Variants in MYRIP observed in about 807,000 individuals in gnomAD.
MYRIP encodes the protein rab effector MyRIP.
In MYRIP, 49 loss-of-function variants were observed where a neutral mutation model predicts 98.0. The observed-to-expected ratio is 0.50, with a 90% CI of 0.40 to 0.63. The LOEUF (loss-of-function observed/expected upper bound fraction) is 0.63, where lower values mean the gene tolerates loss of function less well. MYRIP is among the 30% of genes least tolerant of loss of function. MYRIP has a pLI of 0.00. For missense variants in MYRIP, 1,004 were observed against 1,058.2 expected (o/e 0.95, Z 0.71); for synonymous variants, 404 against 409.5 (o/e 0.99, Z 0.16).
At chr3:39,826,224 T>C (rs1941262610) in intron 1 of MYRIP, among the ~76,000 whole-genome samples, 3 of 152,100 alleles carry the variant, frequency 2.0e-5, no homozygotes, top group Non-Finnish European at 4.4e-5. Context: ...GGTATGTTTT[T>C]GCTCTTCTAT....
intron 2 of MYRIP, among the ~76,000 whole-genome samples, chr3:40,038,464 A>G (rs1409381965): frequency 6.6e-6 from 1 of 152,098 alleles, no homozygotes; most frequent in Non-Finnish European, 1.5e-5. Flanking sequence ...ACCTAACTAA[A>G]AGCTAGTTAT....
intron 11 of MYRIP, among the ~76,000 whole-genome samples, chr3:40,219,193 A>G (rs1008235821): frequency 6.6e-6 from 1 of 152,204 alleles, no homozygotes; most frequent in Non-Finnish European, 1.5e-5. Context: ...AGGAGTTTAA[A>G]GGTTAAGTAA....
chr3:40,190,365 C>A lies in MYRIP; in HGVS notation c.1567C>A (p.Arg523=). The part of the protein sequence containing the change: ...PEEAPHTTDR[R]ARRWRRARLG... ...GGAGGCCCCCCACACCACAGACCGG[C>A]GGGCCAGGAGGTGGAGAAGAGCCCG... The change falls in exon 10 of 17, where the codon CGG becomes AGG. Residue 523 remains arginine (R), a synonymous_variant. Transcript: ENST00000302541. 6.2e-7 allele frequency: 1 copy of A among 1,613,810 alleles called. No individual in the cohort carries two copies. Among genetic ancestry groups the A allele is most frequent in the African/African-American group, 1.3e-5 (1 of 75,002 alleles).
intron 2 of MYRIP, among the ~76,000 whole-genome samples, chr3:39,950,735 C>G (rs928535443): frequency 1.3e-5 from 2 of 152,134 alleles, no homozygotes; most frequent in African/African-American, 4.8e-5. Flanking sequence ...CTGATAGACT[C>G]CAGCTTGATA....
intron 12 of MYRIP, among the ~76,000 whole-genome samples, chr3:40,240,258 T>C (rs1175396911): frequency 1.3e-5 from 2 of 152,198 alleles, no homozygotes; most frequent in Non-Finnish European, 2.9e-5. Flanking sequence ...TTGTGTTCCA[T>C]TGATCTATAT....
intron 1 of MYRIP, among the ~76,000 whole-genome samples, chr3:39,873,107 CAT>C (rs1308068803): frequency 8.5e-5 from 13 of 152,270 alleles, no homozygotes; most frequent in East Asian, 1.9e-4. Context: ...AGCATTTTTT[CAT>C]ATGTTTTTTG....
rs143160472 is a variant in MYRIP, at chr3:39,911,754, T to G, written c.110+10828T>G. Among the ~76,000 whole-genome samples the G allele has an allele frequency of 6.1e-3, 932 of 152,008 alleles. 3 individuals are homozygous for G. The highest frequency in any genetic ancestry group is 0.02 in the African/African-American group (839 of 41,460). ...ACAATGAACAGCCTGGAAATCAGAG[T>G]TTCTTCCTCTCTCTGTGCTGTGCTG... is the stretch of plus-strand genomic sequence containing the variant. On this transcript the variant is annotated intron_variant, in intron 2 of 16. Transcript: ENST00000302541.
chr3:40,197,852 T>C (rs1951442363), intron 10 of MYRIP, among the ~76,000 whole-genome samples: 2 of 152,204 alleles, frequency 1.3e-5, no homozygotes, highest in Admixed American at 1.3e-4. Context: ...AGTTCTTAGA[T>C]GAGGATAATG....
chr3:40,198,425 A>G (rs762135447), intron 10 of MYRIP, among the ~76,000 whole-genome samples: 3 of 152,234 alleles, frequency 2.0e-5, no homozygotes, highest in Admixed American at 6.5e-5. Context: ...TAGAAAAGGT[A>G]GAGAGTGAAT....
At chr3:40,230,781 C>G (rs1200789832) in intron 11 of MYRIP, among the ~76,000 whole-genome samples, 4 of 151,180 alleles carry the variant, frequency 2.6e-5, no homozygotes, top group Non-Finnish European at 5.9e-5. Flanking sequence ...ATGAAGAGAT[C>G]TTGTCCAGTT....
chr3:39,959,430 A>G (rs866477737), intron 2 of MYRIP, among the ~76,000 whole-genome samples: 14 of 152,104 alleles, frequency 9.2e-5, no homozygotes, highest in Admixed American at 2.0e-4. Flanking sequence ...GGGACAGAAA[A>G]CCAAACACCA....
chr3:40,217,681 G>T (rs936839450), intron 11 of MYRIP, among the ~76,000 whole-genome samples: 1 of 152,054 alleles, frequency 6.6e-6, no homozygotes, highest in Non-Finnish European at 1.5e-5. Flanking sequence ...TTGTGAACCC[G>T]CTCTCCATAA....
chr3:39,992,370 C>A (rs2125773134), intron 2 of MYRIP, among the ~76,000 whole-genome samples: 1 of 152,320 alleles, frequency 6.6e-6, no homozygotes. Flanking sequence ...GCAGGTGCTT[C>A]CTGTCTCCAG....
In MYRIP at chr3:40,244,435, T is replaced by G; in HGVS notation, c.2101-11T>G. 1.2e-6 allele frequency: 2 copies of G among 1,602,176 alleles called. No homozygotes were observed. The highest frequency in any genetic ancestry group is 2.7e-5 in the African/African-American group (2 of 74,528). On this transcript the variant is annotated splice_polypyrimidine_tract_variant and intron_variant, in intron 12 of 16. Coordinates refer to ENST00000302541, the MANE Select transcript of MYRIP (RefSeq NM_015460.4). Reference sequence around the variant, plus strand: ...GCAGACATGAACTCAAATGTAGCACTGTCTCTACAGGTATACCTGGCAGCA... The same window carrying G: ...GCAGACATGAACTCAAATGTAGCACGGTCTCTACAGGTATACCTGGCAGCA...
At chr3:40,204,776 A>G (rs1159677298) in intron 10 of MYRIP, among the ~76,000 whole-genome samples, 1 of 152,080 alleles carries the variant, frequency 6.6e-6, no homozygotes, top group East Asian at 1.9e-4. Flanking sequence ...TTAGAGCTAG[A>G]TGGTGTCCTC....
chr3:40,159,634 A>T (rs1364457203), intron 4 of MYRIP, among the ~76,000 whole-genome samples: 2 of 152,074 alleles, frequency 1.3e-5, no homozygotes, highest in African/African-American at 2.4e-5. Flanking sequence ...AGGTACACCA[A>T]TCAGACGTAG....
chr3:40,031,480 G>A (rs1464523589), intron 2 of MYRIP, among the ~76,000 whole-genome samples: 15 of 152,150 alleles, frequency 9.9e-5, no homozygotes, highest in Non-Finnish European at 1.5e-4. Context: ...TGGGGCAGGA[G>A]ATGTGGCCTT....
chr3:40,154,064 TG>T (rs1011628267), intron 4 of MYRIP, among the ~76,000 whole-genome samples: 5 of 150,974 alleles, frequency 3.3e-5, no homozygotes, highest in African/African-American at 1.2e-4. Flanking sequence ...CGCTTGAACC[TG>T]GGAGGCGGAG....
intron 11 of MYRIP, among the ~76,000 whole-genome samples, chr3:40,222,340 G>A (rs965666393): frequency 2.6e-5 from 4 of 152,168 alleles, no homozygotes; most frequent in Admixed American, 6.5e-5. Context: ...GGGTGTTGCC[G>A]TGGCAGTGGT....
Sources: allele counts gnomAD v4.1 joint callset (sites outside exome capture counted in the v4.1 genomes callset), GRCh38; gene constraint gnomAD v4.1.1; transcripts MANE v1.5; gene names NCBI Gene and HGNC (gene_info 2026-07-23, HGNC 2026-07-21).